MAN1C1: variants seen among roughly 807,000 people sequenced by gnomAD.
MAN1C1 encodes mannosyl-oligosaccharide 1,2-alpha-mannosidase IC.
In MAN1C1, 49 loss-of-function variants were observed where a neutral mutation model predicts 71.5. The observed-to-expected ratio is 0.69, with a 90% CI of 0.54 to 0.87. MAN1C1 has a LOEUF of 0.87. Ranked by LOEUF, MAN1C1 falls within the 40% of genes least tolerant of loss-of-function variation. The pLI is 0.00. For missense variants in MAN1C1, 743 were observed against 835.0 expected (o/e 0.89, Z 1.36); for synonymous variants, 352 against 343.7 (o/e 1.02, Z -0.27).
chr1:25,699,581 C>T (rs1202249623), intron 2 of MAN1C1, among the ~76,000 whole-genome samples: 2 of 152,148 alleles, frequency 1.3e-5, no homozygotes, highest in African/African-American at 4.8e-5. Flanking sequence ...GCTTTTCAGC[C>T]GTCAGTCGAC....
chr1:25,733,539 C>G (rs3014692), intron 2 of MAN1C1, among the ~76,000 whole-genome samples: 5,303 of 152,218 alleles, frequency 0.035, 307 homozygotes, highest in African/African-American at 0.12. Context: ...TGTGCTCCCC[C>G]GCCACACCTA....
At chr1:25,685,789 G>A (rs1381372234) in intron 1 of MAN1C1, among the ~76,000 whole-genome samples, 2 of 152,232 alleles carry the variant, frequency 1.3e-5, no homozygotes, top group East Asian at 3.8e-4. Flanking sequence ...AGGAGTTTAT[G>A]ATCCAGAGCC....
intron 11 of MAN1C1, 71 bp from the exon 12 acceptor site, chr1:25,783,592 C>T: frequency 6.4e-7 from 1 of 1,563,368 alleles, no homozygotes; most frequent in South Asian, 1.1e-5. Flanking sequence ...GAGACTTGTT[C>T]CCAGGCCCAC....
chr1:25,781,858 C>T (rs1416743710), intron 10 of MAN1C1, among the ~76,000 whole-genome samples: 1 of 152,198 alleles, frequency 6.6e-6, no homozygotes, highest in African/African-American at 2.4e-5. Flanking sequence ...CATAGACCCC[C>T]TCCGTGGGTA....
intron 1 of MAN1C1, among the ~76,000 whole-genome samples, chr1:25,637,277 C>G (rs1463041809): frequency 6.6e-6 from 1 of 152,048 alleles, no homozygotes; most frequent in East Asian, 1.9e-4. Context: ...AATTTTCAGT[C>G]TTTATTTCCT....
At chr1:25,777,273 G>A (rs1015274056) in intron 8 of MAN1C1, among the ~76,000 whole-genome samples, 40 of 152,298 alleles carry the variant, frequency 2.6e-4, no homozygotes, top group African/African-American at 9.6e-4. Context: ...CATGGGCCAG[G>A]CCCCACCAGC....
At chr1:25,635,611 G>C (rs1174284797) in intron 1 of MAN1C1, among the ~76,000 whole-genome samples, 3 of 151,702 alleles carry the variant, frequency 2.0e-5, no homozygotes, top group Non-Finnish European at 2.9e-5. Flanking sequence ...CACCACGCCT[G>C]GCTAATTTTG....
At position 25,782,553 on chromosome 1, in the gene MAN1C1, G is replaced by T. The variant is rs769987626; in HGVS notation, c.1651-32G>T. On this transcript the variant is annotated intron_variant, in intron 10 of 11. Transcript: ENST00000374332. This position sits in a 1 kb window ranked among gnomAD's most constrained non-coding sequence, Gnocchi z 4.4. ...GGGGCCTTTCCTGTCCCGTGTTAAG[G>T]CTGTTTTCCTCCTCCTCTTCCCCTT... is the stretch of plus-strand genomic sequence containing the variant. 8.5e-5 allele frequency: 127 copies of T among 1,490,560 alleles called. 1 individual carries two copies. In the South Asian group the frequency reaches 1.4e-3, roughly 16 times the overall value. 92.3% of individuals were successfully genotyped at this position (1,490,560 alleles called of 1,614,324 possible). A position where few individuals can be genotyped will look rare whatever the true frequency, so the allele number is the denominator to read the frequency against.
At chr1:25,644,497 C>T (rs1367350436) in intron 1 of MAN1C1, 2 of 80,144 alleles carry the variant, frequency 2.5e-5, no homozygotes, top group African/African-American at 1.8e-4. Flanking sequence ...GTACCAGAGA[C>T]ATATATATAT....
intron 1 of MAN1C1, among the ~76,000 whole-genome samples, chr1:25,679,115 A>AG (rs953750041): frequency 2.0e-5 from 3 of 152,136 alleles, no homozygotes; most frequent in Non-Finnish European, 4.4e-5. Context: ...GAGAGAAGGA[A>AG]GGGGCACAGA....
chr1:25,723,911 G>GT (rs2124283024), intron 2 of MAN1C1, among the ~76,000 whole-genome samples: 2 of 152,002 alleles, frequency 1.3e-5, no homozygotes, highest in South Asian at 2.1e-4. Context: ...GCGGGATACT[G>GT]TATCAGTTAC....
intron 2 of MAN1C1, among the ~76,000 whole-genome samples, chr1:25,737,439 T>G (rs993501841): frequency 1.2e-4 from 19 of 152,226 alleles, no homozygotes; most frequent in African/African-American, 3.6e-4. Flanking sequence ...TGGCCACTAC[T>G]GTGTGTGCTG....
At chr1:25,642,886 C>T (rs2124761309) in intron 1 of MAN1C1, among the ~76,000 whole-genome samples, 1 of 152,222 alleles carries the variant, frequency 6.6e-6, no homozygotes, top group East Asian at 1.9e-4. Context: ...TCCTGGAGGC[C>T]TGTGTGGGGA....
intron 1 of MAN1C1, among the ~76,000 whole-genome samples, chr1:25,643,563 G>T (rs1488957758): frequency 2.8e-5 from 4 of 142,902 alleles, no homozygotes; most frequent in South Asian, 2.2e-4. Flanking sequence ...GACCCACCAC[G>T]CCTGGCCTTT....
chr1:25,629,499 G>A (rs1262264138), intron 1 of MAN1C1, among the ~76,000 whole-genome samples: 8 of 152,086 alleles, frequency 5.3e-5, no homozygotes, highest in Non-Finnish European at 1.0e-4. Context: ...GCAGTGGTGC[G>A]ATCTTGGCTC....
At chr1:25,673,666 A>C (rs1477851756) in intron 1 of MAN1C1, among the ~76,000 whole-genome samples, 2 of 152,196 alleles carry the variant, frequency 1.3e-5, no homozygotes, top group Non-Finnish European at 2.9e-5. Flanking sequence ...CCAGGCTCTG[A>C]ACTGCTATGC....
chr1:25,627,274 CTCTTG>C (rs1188282750), intron 1 of MAN1C1, among the ~76,000 whole-genome samples: 1 of 146,328 alleles, frequency 6.8e-6, no homozygotes, highest in Non-Finnish European at 1.5e-5. Flanking sequence ...CTCTTCTCTT[CTCTTG>C]TCTTCTCTTC....
At chr1:25,665,639 C>T (rs2045912100) in intron 1 of MAN1C1, among the ~76,000 whole-genome samples, 3 of 151,912 alleles carry the variant, frequency 2.0e-5, no homozygotes, top group Admixed American at 2.0e-4. Flanking sequence ...TGATTTCCCA[C>T]CTAAGAAGAT....
At chr1:25,781,703 C>T (rs895267272) in intron 10 of MAN1C1, among the ~76,000 whole-genome samples, 2 of 152,100 alleles carry the variant, frequency 1.3e-5, no homozygotes, top group Non-Finnish European at 1.5e-5. Context: ...TCTCCCCCAC[C>T]ACCCCCGTGC....
Sources: allele counts gnomAD v4.1 joint callset (sites outside exome capture counted in the v4.1 genomes callset), GRCh38; gene constraint gnomAD v4.1.1; non-coding constraint Gnocchi (gnomAD v3.1); transcripts MANE v1.5; gene names NCBI Gene and HGNC (gene_info 2026-07-23, HGNC 2026-07-21).